The following TMEM51 variants were observed in gnomAD, a reference collection of about 807,000 sequenced individuals.
The protein encoded by TMEM51 is chromosome 1 open reading frame 72.
A neutral mutation model predicts 13.6 loss-of-function variants in TMEM51; 8 were observed. The observed-to-expected ratio is 0.59, with a 90% CI of 0.35 to 1.07. TMEM51 has a LOEUF of 1.07. Among genes scored for constraint, TMEM51 ranks in the 50% least tolerant of loss-of-function variants. The probability of loss-of-function intolerance (pLI) is 0.02; values close to 1 mark genes in which losing one functional copy is unlikely to be tolerated. For synonymous variants in TMEM51, 147 were observed against 144.4 expected (o/e 1.02, Z -0.13); for missense variants, 279 against 330.7 (o/e 0.84, Z 1.21).
intron 1 of TMEM51, among the ~76,000 whole-genome samples, chr1:15,164,790 CTTTTTTTTTTTTTTTCCT>C (rs1642927132): frequency 7.9e-6 from 1 of 126,464 alleles, no homozygotes; most frequent in South Asian, 2.5e-4. Context: ...GGGAGCTTTG[CTTTTTTTTTTTTTTTCCT>C]TTTTTTTTTT....
chr1:15,211,627 C>A (rs1317932613), intron 2 of TMEM51, among the ~76,000 whole-genome samples: 1 of 152,144 alleles, frequency 6.6e-6, no homozygotes, highest in African/African-American at 2.4e-5. Flanking sequence ...GGTCACACAG[C>A]TGTGAAGGAA....
chr1:15,180,948 A>G (rs1415156690), intron 1 of TMEM51, among the ~76,000 whole-genome samples: 1 of 152,180 alleles, frequency 6.6e-6, no homozygotes, highest in African/African-American at 2.4e-5. Context: ...TCACTGCACC[A>G]TGCTGTCATC....
intron 1 of TMEM51, chr1:15,168,584 C>T: frequency 7.7e-7 from 1 of 1,304,620 alleles, no homozygotes; most frequent in Non-Finnish European, 1.0e-6. Context: ...AGGAACTGTG[C>T]CTGGCTGAGC....
chr1:15,168,376 A>T (rs1643103799), intron 1 of TMEM51: 1 of 1,129,232 alleles, frequency 8.9e-7, no homozygotes, highest in African/African-American at 1.6e-5. Flanking sequence ...GGAAGAAAAG[A>T]AGGAAGGAAG....
chr1:15,215,373 G>A lies in TMEM51; in HGVS notation c.286G>A (p.Asp96Asn). The change falls in exon 3 of 4, where the codon GAC becomes AAC. Residue 96 changes from aspartate (D) to asparagine (N), a missense_variant. Transcript: ENST00000376008. ...RDKRKQRQGEDLAHVQHPTGA... is the reference protein window; with the variant it reads ...RDKRKQRQGENLAHVQHPTGA... ...TAAGAGGAAGCAGCGGCAGGGCGAG[G>A]ACCTGGCCCATGTCCAGCACCCGAC... 1 of 1,611,372 alleles carries A rather than the reference G, an allele frequency of 6.2e-7. No homozygotes were observed. The highest frequency in any genetic ancestry group is 8.5e-7 in the Non-Finnish European group (1 of 1,179,934).
At chr1:15,169,865 A>G (rs569655424) in intron 1 of TMEM51, among the ~76,000 whole-genome samples, 1 of 152,312 alleles carries the variant, frequency 6.6e-6, no homozygotes, top group South Asian at 2.1e-4. Context: ...TATTTACTAT[A>G]ATGTTTCTAA....
chr1:15,183,149 ATATGGATC>A (rs1643671333), intron 1 of TMEM51, among the ~76,000 whole-genome samples: 1 of 152,216 alleles, frequency 6.6e-6, no homozygotes, highest in Non-Finnish European at 1.5e-5. Context: ...CTTTGGGAAC[ATATGGATC>A]TATGGACTTT....
Position 15,220,358 on chromosome 1 carries a change from G to A in TMEM51, c.*615G>A, listed in dbSNP as rs1644500485. 1 of 135,428 alleles carries A rather than the reference G, an allele frequency of 7.4e-6. No homozygotes were observed. The highest frequency in any genetic ancestry group is 2.8e-5 in the African/African-American group (1 of 35,716). 8.4% of individuals were successfully genotyped at this position (135,428 alleles called of 1,614,324 possible). The stretch of plus-strand genomic sequence containing the variant: ...TAGTCTTCAATGGTACACTTAACTA[G>A]TCTCTTCTGTGTAACAGCAAAAAAA... On this transcript the variant is annotated 3_prime_UTR_variant, in exon 4 of 4. Transcript: ENST00000376008.
intron 1 of TMEM51, among the ~76,000 whole-genome samples, chr1:15,177,024 G>T (rs1643474987): frequency 1.3e-5 from 2 of 152,162 alleles, no homozygotes; most frequent in African/African-American, 2.4e-5. Context: ...GCCAGTGGGG[G>T]ATATTAAGGA....
At chr1:15,183,475 AT>A (rs1180438205) in intron 1 of TMEM51, among the ~76,000 whole-genome samples, 1 of 152,194 alleles carries the variant, frequency 6.6e-6, no homozygotes, top group Non-Finnish European at 1.5e-5. Flanking sequence ...TAAAAGGGAG[AT>A]TATCGTACAT....
chr1:15,166,321 T>TA (rs1642996298), intron 1 of TMEM51, among the ~76,000 whole-genome samples: 1 of 152,172 alleles, frequency 6.6e-6, no homozygotes, highest in Non-Finnish European at 1.5e-5. Context: ...GTGGTTGGTT[T>TA]ACCCTTCAAA....
chr1:15,181,515 G>A (rs189398220), intron 1 of TMEM51, among the ~76,000 whole-genome samples: 235 of 152,226 alleles, frequency 1.5e-3, no homozygotes, highest in Non-Finnish European at 2.5e-3. Flanking sequence ...TCAAAGCCTC[G>A]TTCCCAGGCT....
At chr1:15,192,095 GGA>G in intron 1 of TMEM51, 1 of 492,408 alleles carries the variant, frequency 2.0e-6, no homozygotes, top group Non-Finnish European at 4.2e-6. Context: ...CGCGACACAG[GGA>G]GAGAATCATT....
At chr1:15,153,551 C>A (rs1023016238), upstream of TMEM51, among the ~76,000 whole-genome samples, 11 of 152,080 alleles carry the variant, frequency 7.2e-5, no homozygotes, top group East Asian at 1.6e-3. Context: ...ACGCTCAGCG[C>A]GCTCCAGCGG....
Position 15,214,926 on chromosome 1 carries a change from C to G in TMEM51, c.-162C>G. 1.5e-6 allele frequency: 1 copy of G among 681,242 alleles called. No individual in the cohort carries two copies. The highest frequency in any genetic ancestry group is 2.4e-6 in the Non-Finnish European group (1 of 413,600). The allele number at this position is 681,242 out of a possible 1,614,324, so 42.2% of individuals were successfully genotyped here. ...CCACCGCAGCCATCCGCACGGGAGG[C>G]CTCGCGATTGCTCGGAACCATCCCG... On this transcript the variant is annotated 5_prime_UTR_variant, in exon 3 of 4. Transcript: ENST00000376008.
intron 1 of TMEM51, among the ~76,000 whole-genome samples, chr1:15,159,836 TTC>T (rs1370952744): frequency 6.6e-6 from 1 of 151,582 alleles, no homozygotes; most frequent in African/African-American, 2.4e-5. Context: ...ACACCTAGCC[TTC>T]TTCTTTTTTT....
intron 1 of TMEM51, chr1:15,168,508 G>A (rs1333431294): frequency 7.7e-7 from 1 of 1,304,526 alleles, no homozygotes; most frequent in Non-Finnish European, 1.0e-6. Flanking sequence ...TTGCCCCTTG[G>A]TTTTATGATT....
At chr1:15,159,407 C>T (rs536687964) in intron 1 of TMEM51, among the ~76,000 whole-genome samples, 2 of 152,304 alleles carry the variant, frequency 1.3e-5, no homozygotes, top group South Asian at 2.1e-4. Context: ...CTCACTGTTG[C>T]GTGCACTAGG....
chr1:15,208,619 T>A (rs990324196), intron 1 of TMEM51, among the ~76,000 whole-genome samples: 6 of 152,068 alleles, frequency 3.9e-5, no homozygotes, highest in African/African-American at 1.2e-4. Context: ...AAATAATTTT[T>A]TAAAAAATTT....
Sources: allele counts gnomAD v4.1 joint callset (sites outside exome capture counted in the v4.1 genomes callset), GRCh38; gene constraint gnomAD v4.1.1; transcripts MANE v1.5; gene names NCBI Gene and HGNC (gene_info 2026-07-23, HGNC 2026-07-21).